Variants in USP8 observed in about 807,000 individuals in gnomAD.
USP8 encodes the protein ubiquitin specific peptidase 8.
In USP8, 27 loss-of-function variants were observed where a neutral mutation model predicts 130.0. The ratio of observed to expected loss-of-function variants is 0.21; its 90% CI spans 0.15 to 0.29. The LOEUF (loss-of-function observed/expected upper bound fraction) is 0.29. Ranked by LOEUF, USP8 falls within the 10% of genes least tolerant of loss-of-function variation. The pLI, the probability that USP8 is intolerant of heterozygous loss-of-function variation, is 1.00. For missense variants in USP8, 1,029 were observed against 1,312.2 expected (o/e 0.78, Z 3.33); for synonymous variants, 392 against 444.1 (o/e 0.88, Z 1.48).
chr15:50,460,264 C>A (rs1595934606), intron 5 of USP8, among the ~76,000 whole-genome samples: 1 of 144,274 alleles, frequency 6.9e-6, no homozygotes, highest in Admixed American at 7.0e-5. Context: ...TTCCAAAGTG[C>A]TGGGATTACA....
In USP8 at chr15:50,510,789, T is replaced by A. The variant is rs1241143817; in HGVS notation, c.*11701T>A. 1 of 152,142 alleles carries A rather than the reference T, an allele frequency of 6.6e-6. No homozygotes were observed. The highest frequency in any genetic ancestry group is 2.4e-5 in the African/African-American group (1 of 41,416). The allele number at this position is 152,142 out of a possible 1,614,324, so 9.4% of individuals were successfully genotyped here. A position where few individuals can be genotyped will look rare whatever the true frequency, so the allele number is the denominator to read the frequency against. ...ACCAATGTTTTGTTTTTTGGTTTTT[T>A]TTTTAGAGATGGAGTCTCGCTCTGT... On this transcript the variant is annotated 3_prime_UTR_variant, in exon 20 of 20. Coordinates refer to ENST00000307179, the MANE Select transcript of USP8 (RefSeq NM_005154.5).
At chr15:50,431,643 T>A (rs1283187116) in intron 1 of USP8, among the ~76,000 whole-genome samples, 12 of 152,218 alleles carry the variant, frequency 7.9e-5, no homozygotes, top group Admixed American at 7.2e-4. Context: ...CAATAACTTC[T>A]GTAATATTCC....
chr15:50,451,981 G>T (rs1241055162), intron 4 of USP8, among the ~76,000 whole-genome samples: 1 of 152,218 alleles, frequency 6.6e-6, no homozygotes, highest in African/African-American at 2.4e-5. Flanking sequence ...GACCACGGAG[G>T]CGTGTGTGCC....
At chr15:50,476,732 CATT>C (rs2141298324) in intron 8 of USP8, 114 bp from the exon 9 acceptor site, 1 of 1,129,828 alleles carries the variant, frequency 8.9e-7, no homozygotes, top group Non-Finnish European at 1.2e-6. Flanking sequence ...CTCATTTTGT[CATT>C]ATTTAGAAGA....
At chr15:50,473,842 T>TTA (rs955079058) in intron 8 of USP8, among the ~76,000 whole-genome samples, 11 of 151,308 alleles carry the variant, frequency 7.3e-5, no homozygotes, top group Admixed American at 3.3e-4. Flanking sequence ...TAATTTAATT[T>TTA]TATTTATTTC....
rs1226489640 is a variant in USP8 at position 50,424,504 on chromosome 15, C to T, written c.-76C>T. On this transcript the variant is annotated 5_prime_UTR_variant, in exon 1 of 20. Coordinates refer to ENST00000307179, the MANE Select transcript of USP8 (RefSeq NM_005154.5). The stretch of plus-strand genomic sequence containing the variant: ...GAAGGCTGGCGTTAGTGAAGCGCGC[C>T]CGGCGTCACGGTGAGTGCGGGTCTT... 1 of 398,674 alleles carries T rather than the reference C, an allele frequency of 2.5e-6. No homozygotes were observed. Among genetic ancestry groups the T allele is most frequent in the Non-Finnish European group, 4.4e-6 (1 of 226,100 alleles). The allele number at this position is 398,674 out of a possible 1,614,324, so 24.7% of individuals were successfully genotyped here.
chr15:50,469,956 T>C (rs961305578), intron 7 of USP8, among the ~76,000 whole-genome samples: 1 of 151,830 alleles, frequency 6.6e-6, no homozygotes, highest in Admixed American at 6.6e-5. Flanking sequence ...CTCAGCCTCC[T>C]GAGTAGCTGA....
Position 50,492,704 on chromosome 15 carries a change from A to C in USP8, c.2238A>C (p.Pro746=). 6.2e-7 allele frequency: 1 copy of C among 1,613,174 alleles called. No individual in the cohort carries two copies. Among genetic ancestry groups the C allele is most frequent in the Admixed American group, 1.7e-5 (1 of 59,940 alleles). The change falls in exon 15 of 20, where the codon CCA becomes CCC. Residue 746 remains proline (P), a synonymous_variant. Coordinates refer to ENST00000307179, the MANE Select transcript of USP8 (RefSeq NM_005154.5). The part of the protein sequence containing the change: ...VTPTVNRENK[P]TCYPKAEISR... ...TTGTATCCTTTTTCTTCCTCAGGCC[A>C]ACATGTTATCCTAAAGCTGAGATCT...
At position 50,459,038 on chromosome 15, in the gene USP8, AAGAC is replaced by A; in HGVS notation, c.377_380del (p.Asp126GlyfsTer65). ...GAAGTCCGGAAAAAACTTGAGGAAAAAGACAGGCAGGAGGAAGCACAGCGGCTAC... is the reference window on the plus strand; with the variant it reads ...GAAGTCCGGAAAAAACTTGAGGAAAAAGGCAGGAGGAAGCACAGCGGCTAC... On this transcript the variant is annotated frameshift_variant, in exon 5 of 20. Transcript: ENST00000307179. LOFTEE classifies it high-confidence loss of function. The A allele has an allele frequency of 1.9e-6, 3 of 1,613,796 alleles. No homozygotes were observed. Among genetic ancestry groups the A allele is most frequent in the South Asian group, 1.1e-5 (1 of 91,050 alleles).
chr15:50,430,552 C>T (rs1426575983), intron 1 of USP8, among the ~76,000 whole-genome samples: 1 of 152,042 alleles, frequency 6.6e-6, no homozygotes, highest in Admixed American at 6.6e-5. Flanking sequence ...CGCATGCCAC[C>T]ATGCCCTGCT....
chr15:50,498,705 A>C lies in USP8; in HGVS notation c.3148A>C (p.Lys1050Gln). 1 of 1,609,308 alleles carries C rather than the reference A, an allele frequency of 6.2e-7. No individual in the cohort carries two copies. The highest frequency in any genetic ancestry group is 1.1e-5 in the South Asian group (1 of 89,876). The change falls in exon 19 of 20, where the codon AAA becomes CAA. Residue 1050 changes from lysine (K) to glutamine (Q), a missense_variant. By Grantham distance (53) the Lys-to-Gln change is moderately conservative. This residue lies in a region of USP8 where 257 missense variants were observed against 429.8 expected (regional missense o/e 0.60). Coordinates refer to ENST00000307179, the MANE Select transcript of USP8 (RefSeq NM_005154.5). ...TATTGGTCCAAAGAACAATTTGAAGAAATATAATTTGTTTTCTGTTTCAGT... is the reference window on the plus strand; with the variant it reads ...TATTGGTCCAAAGAACAATTTGAAGCAATATAATTTGTTTTCTGTTTCAGT... Reference protein sequence around the residue: ...YVIGPKNNLKKYNLFSVSNHY... With the variant: ...YVIGPKNNLKQYNLFSVSNHY...
intron 12 of USP8, 59 bp downstream of exon 12, chr15:50,484,420 T>C (rs1306379548): frequency 7.6e-6 from 10 of 1,314,838 alleles, no homozygotes; most frequent in Non-Finnish European, 1.1e-5. Flanking sequence ...ATTATAACTA[T>C]GTGATTATCT....
At chr15:50,451,873 G>C (rs1168406915) in intron 4 of USP8, among the ~76,000 whole-genome samples, 1 of 152,228 alleles carries the variant, frequency 6.6e-6, no homozygotes, top group Non-Finnish European at 1.5e-5. Context: ...TGCTCTCTAG[G>C]TTTGGAGAAT....
chr15:50,462,303 A>C lies in USP8; in HGVS notation c.522A>C (p.Lys174Asn), dbSNP rs780038219. The C allele has an allele frequency of 2.1e-5, 34 of 1,603,132 alleles. No homozygotes were observed. The highest frequency in any genetic ancestry group is 2.4e-5 in the Non-Finnish European group (28 of 1,177,280). The change falls in exon 6 of 20, where the codon AAA becomes AAC. Residue 174 changes from lysine (K) to asparagine (N), a missense_variant. Physicochemically the swap from Lys to Asn is moderately conservative, Grantham distance 94. Coordinates refer to ENST00000307179, the MANE Select transcript of USP8 (RefSeq NM_005154.5). Reference sequence around the variant, plus strand: ...AGAGCAATGGTGAAAAGAATGAAAAATGTGAGACCAAAGAGAAAGGTAAGT... The same window carrying C: ...AGAGCAATGGTGAAAAGAATGAAAACTGTGAGACCAAAGAGAAAGGTAAGT... ...TQKSNGEKNEKCETKEKGAIT... is the reference protein window; with the variant it reads ...TQKSNGEKNENCETKEKGAIT...
intron 12 of USP8, among the ~76,000 whole-genome samples, chr15:50,489,310 A>G (rs1407707514): frequency 6.6e-6 from 1 of 152,204 alleles, no homozygotes; most frequent in Non-Finnish European, 1.5e-5. Flanking sequence ...TTCATTTGCT[A>G]GGATACTATA....
chr15:50,490,929 T>C (rs2052138167), intron 14 of USP8, among the ~76,000 whole-genome samples: 1 of 152,198 alleles, frequency 6.6e-6, no homozygotes, highest in Admixed American at 6.6e-5. Context: ...TAGCCAATAA[T>C]GTAAGCGAAG....
At position 50,490,432 on chromosome 15, in the gene USP8, A is replaced by T. The variant is rs2052117491; in HGVS notation, c.2141A>T (p.Lys714Met). Reference protein sequence around the residue: ...AERDREPSKLKRSYSSPDITQ... With the variant: ...AERDREPSKLMRSYSSPDITQ... Reference sequence around the variant, plus strand: ...CGGGATAGGGAACCTTCCAAACTGAAGCGCTCCTACTCCTCCCCAGATATA... The same window carrying T: ...CGGGATAGGGAACCTTCCAAACTGATGCGCTCCTACTCCTCCCCAGATATA... The change falls in exon 14 of 20, where the codon AAG becomes ATG. Residue 714 changes from lysine (K) to methionine (M), a missense_variant. Around this residue, in one of 4 missense-constraint regions of USP8, gnomAD observed 486 missense variants for 522.0 expected, o/e 0.93. Transcript: ENST00000307179. The T allele has an allele frequency of 6.2e-7, 1 of 1,614,160 alleles. No individual in the cohort carries two copies.
intron 6 of USP8, among the ~76,000 whole-genome samples, chr15:50,464,564 A>G (rs2051118506): frequency 6.6e-6 from 1 of 152,220 alleles, no homozygotes; most frequent in Non-Finnish European, 1.5e-5. Context: ...ATAAATGTTA[A>G]AAACACAAGG....
chr15:50,463,270 T>C (rs2051072499), intron 6 of USP8: 1 of 152,160 alleles, frequency 6.6e-6, no homozygotes, highest in African/African-American at 2.4e-5. Context: ...ATATGGAAAT[T>C]ATCCATAGGT....
Sources: allele counts gnomAD v4.1 joint callset (sites outside exome capture counted in the v4.1 genomes callset), GRCh38; gene constraint gnomAD v4.1.1; regional missense constraint gnomAD v4.1.1; transcripts MANE v1.5; gene names NCBI Gene and HGNC (gene_info 2026-07-23, HGNC 2026-07-21).